DLG2: variants seen among roughly 807,000 people sequenced by gnomAD.
DLG2 encodes discs large MAGUK scaffold protein 2.
In DLG2, 45 loss-of-function variants were observed where a neutral mutation model predicts 132.5. The ratio of observed to expected loss-of-function variants is 0.34; its 90% CI spans 0.27 to 0.44. DLG2 has a LOEUF of 0.44. DLG2 is among the 20% of genes least tolerant of loss of function. DLG2 has a pLI of 1.00. For missense variants in DLG2, 1,045 were observed against 1,196.9 expected (o/e 0.87, Z 1.87); for synonymous variants, 424 against 419.6 (o/e 1.01, Z -0.13).
intron 9 of DLG2, among the ~76,000 whole-genome samples, chr11:84,149,037 A>C (rs2095197134): frequency 6.6e-6 from 1 of 152,102 alleles, no homozygotes; most frequent in South Asian, 2.1e-4. Context: ...GTATCTGTTC[A>C]TATACTTTGC....
chr11:83,875,483 C>T (rs5025916), intron 15 of DLG2, among the ~76,000 whole-genome samples: 11,151 of 152,088 alleles, frequency 0.073, 533 homozygotes, highest in African/African-American at 0.13. Context: ...ATTCTAGAGT[C>T]ATTTTAAATT....
intron 3 of DLG2, among the ~76,000 whole-genome samples, chr11:85,331,766 A>G (rs1459551716): frequency 6.6e-6 from 1 of 152,192 alleles, no homozygotes; most frequent in Non-Finnish European, 1.5e-5. Context: ...AATGACATCC[A>G]GCTGCATACC....
intron 18 of DLG2, among the ~76,000 whole-genome samples, chr11:83,729,119 C>A (rs1479296313): frequency 6.6e-5 from 10 of 152,044 alleles, no homozygotes; most frequent in Admixed American, 1.3e-4. Context: ...ATGTGTAAGT[C>A]TGTAAAGTAT....
intron 4 of DLG2, among the ~76,000 whole-genome samples, chr11:85,282,390 C>T (rs182987565): frequency 9.4e-4 from 143 of 151,884 alleles, no homozygotes; most frequent in African/African-American, 3.4e-3. Flanking sequence ...ATGATAAATG[C>T]TTGAGGTAAT....
intron 18 of DLG2, among the ~76,000 whole-genome samples, chr11:83,740,452 A>G (rs1056199531): frequency 7.9e-5 from 12 of 152,224 alleles, no homozygotes; most frequent in Admixed American, 7.9e-4. Context: ...CCAACTGGAT[A>G]AAAACTAATC....
intron 6 of DLG2, among the ~76,000 whole-genome samples, chr11:84,568,445 T>C (rs979634437): frequency 6.6e-6 from 1 of 152,202 alleles, no homozygotes; most frequent in African/African-American, 2.4e-5. Context: ...AGGTGGAGGT[T>C]GCAGTGAGCC....
rs561708861 is a variant in DLG2, at chr11:84,317,357, T to G, written c.520-66066A>C. The G allele has an allele frequency of 8.4e-5, 117 of 1,397,626 alleles. 1 individual carries two copies. The African/African-American group carries it at 1.5e-3, about 18-fold the overall frequency. The allele number at this position is 1,397,626 out of a possible 1,614,324, so 86.6% of individuals were successfully genotyped here. A position where few individuals can be genotyped will look rare whatever the true frequency, so the allele number is the denominator to read the frequency against. On this transcript the variant is annotated intron_variant, in intron 7 of 27. Transcript: ENST00000376104. ...TTATCTGCGGGCTGGTAGCTCTTTGTCAATAGATGACTCAACTCACAGAGC... is the reference window on the plus strand; with the variant it reads ...TTATCTGCGGGCTGGTAGCTCTTTGGCAATAGATGACTCAACTCACAGAGC...
intron 6 of DLG2, among the ~76,000 whole-genome samples, chr11:85,009,530 C>T (rs961455480): frequency 9.2e-5 from 14 of 152,062 alleles, no homozygotes; most frequent in Admixed American, 3.3e-4. Context: ...AAAAGCCAGA[C>T]GCTATATAAA....
chr11:83,832,660 C>G (rs544074620), intron 17 of DLG2, among the ~76,000 whole-genome samples: 3 of 152,154 alleles, frequency 2.0e-5, no homozygotes, highest in Non-Finnish European at 4.4e-5. Context: ...ACTACTCTCA[C>G]TATCTGGGTA....
intron 16 of DLG2, among the ~76,000 whole-genome samples, chr11:83,863,977 A>T (rs995100879): frequency 6.6e-6 from 1 of 152,320 alleles, no homozygotes; most frequent in South Asian, 2.1e-4. Flanking sequence ...GTTCATAATT[A>T]ATGCTTGACC....
intron 17 of DLG2, among the ~76,000 whole-genome samples, chr11:83,799,299 G>C (rs2043704836): frequency 6.6e-6 from 1 of 152,210 alleles, no homozygotes; most frequent in South Asian, 2.1e-4. Flanking sequence ...GTCAATAAGT[G>C]GCTATGGAAG....
At chr11:84,208,618 A>G (rs2096709311) in intron 8 of DLG2, among the ~76,000 whole-genome samples, 1 of 152,170 alleles carries the variant, frequency 6.6e-6, no homozygotes. Context: ...TGCTGGGATT[A>G]CAGGCATGAG....
At chr11:84,379,791 A>G (rs1419914559) in intron 7 of DLG2, among the ~76,000 whole-genome samples, 2 of 151,914 alleles carry the variant, frequency 1.3e-5, no homozygotes, top group Non-Finnish European at 2.9e-5. Flanking sequence ...AAAAAAAAAA[A>G]CAAGTTTGCT....
chr11:83,947,045 T>C (rs1261787628), intron 14 of DLG2, among the ~76,000 whole-genome samples: 3 of 152,228 alleles, frequency 2.0e-5, no homozygotes, highest in Non-Finnish European at 4.4e-5. Flanking sequence ...AGTGAAGCCA[T>C]GGAATTAATG....
At chr11:84,998,622 G>A (rs2057909894) in intron 6 of DLG2, among the ~76,000 whole-genome samples, 1 of 152,118 alleles carries the variant, frequency 6.6e-6, no homozygotes, top group Non-Finnish European at 1.5e-5. Context: ...ATGGTACACA[G>A]TAATTTGGCA....
In DLG2 at chr11:84,494,259, T is replaced by C. The variant is rs573618207; in HGVS notation, c.519+40311A>G. 9.2e-5 allele frequency among the ~76,000 whole-genome samples: 14 copies of C among 152,262 alleles called. No individual in the cohort carries two copies. The East Asian group carries it at 1.7e-3, about 19-fold the overall frequency. ...TCTTAGCTCTTAATCGGAAAGAATA[T>C]GCTGCCCATGCCTTTGGCTTGAACC... is the stretch of plus-strand genomic sequence containing the variant. On this transcript the variant is annotated intron_variant, in intron 7 of 27. Transcript: ENST00000376104.
At chr11:85,137,575 C>A (rs972912112) in intron 5 of DLG2, among the ~76,000 whole-genome samples, 5 of 152,110 alleles carry the variant, frequency 3.3e-5, no homozygotes, top group Admixed American at 6.6e-5. Context: ...TGCAGATGAA[C>A]TATAAACAAC....
chr11:83,911,298 G>A, intron 15 of DLG2, among the ~76,000 whole-genome samples: 1 of 152,118 alleles, frequency 6.6e-6, no homozygotes, highest in East Asian at 1.9e-4. Flanking sequence ...AGGCAAAGGT[G>A]TAGGTTTGGG....
chr11:84,797,542 A>G (rs2153951703), intron 6 of DLG2, among the ~76,000 whole-genome samples: 1 of 152,100 alleles, frequency 6.6e-6, no homozygotes, highest in East Asian at 1.9e-4. Context: ...TGTCAGTTGA[A>G]TTTTTCAGCT....
Sources: allele counts gnomAD v4.1 joint callset (sites outside exome capture counted in the v4.1 genomes callset), GRCh38; gene constraint gnomAD v4.1.1; transcripts MANE v1.5; gene names NCBI Gene and HGNC (gene_info 2026-07-23, HGNC 2026-07-21).